Variants in SHC2 observed in about 807,000 individuals in gnomAD.
SHC2 encodes the protein SHC adaptor protein 2.
SHC2 carries 62 observed loss-of-function variants against 60.6 expected under a neutral mutation model. The observed-to-expected ratio is 1.02, with a 90% confidence interval of 0.83 to 1.26. The LOEUF (loss-of-function observed/expected upper bound fraction) is 1.26. Ranked by LOEUF, SHC2 falls within the 50% of genes most tolerant of loss-of-function variation. The probability of loss-of-function intolerance (pLI) is 0.00; values close to 1 mark genes in which losing one functional copy is unlikely to be tolerated. For missense variants in SHC2, 873 were observed against 822.2 expected (o/e 1.06, Z -0.76); for synonymous variants, 375 against 372.4 (o/e 1.01, Z -0.08).
In SHC2 at chr19:426,045, A is replaced by AC. The variant is rs1195911596; in HGVS notation, c.1175-815_1175-814insG. Among the ~76,000 whole-genome samples the AC allele has an allele frequency of 2.1e-3, 321 of 152,134 alleles. 1 individual carries two copies. Among genetic ancestry groups the AC allele is most frequent in the African/African-American group, 7.5e-3 (310 of 41,486 alleles). ...CTCAGTCTCCAAAAAAAAAAAAAAA[A>AC]AACTATCCACATGGTTCAAACCGGA... is the stretch of plus-strand genomic sequence containing the variant. On this transcript the variant is annotated intron_variant, in intron 9 of 12. Transcript: ENST00000264554.
At chr19:434,454 T>TGTGAGTCTGTG (rs1291435353) in intron 8 of SHC2, among the ~76,000 whole-genome samples, 2 of 5,160 alleles carry the variant, frequency 3.9e-4, no homozygotes, top group African/African-American at 6.7e-4. Flanking sequence ...GTCTGTGAGA[T>TGTGAGTCTGTG]AGTGAGCAAG....
At chr19:439,406 G>A (rs1001115938) in intron 2 of SHC2, 3 of 294,922 alleles carry the variant, frequency 1.0e-5, no homozygotes, top group African/African-American at 4.4e-5. Flanking sequence ...CATCAGATGT[G>A]GGGGTTGGAG....
chr19:430,715 G>C lies in SHC2; in HGVS notation c.1143C>G (p.Ser381Arg), dbSNP rs1464327137. 1 of 1,613,082 alleles carries C rather than the reference G, an allele frequency of 6.2e-7. No homozygotes were observed. The highest frequency in any genetic ancestry group is 1.1e-5 in the South Asian group (1 of 91,046). Residue 381 changes from serine (S) to arginine (R), a missense_variant, in exon 9 of 13, where the codon AGC (serine) becomes AGG (arginine). Physicochemically the swap from Ser to Arg is moderately radical, Grantham distance 110 (BLOSUM62 -1). Transcript: ENST00000264554. Reference sequence around the variant, plus strand: ...CGGTGGACCCCACGTCCCATGGCAGGCTGCAGGCATCTCTTAGAGAAGGAG... The same window carrying C: ...CGGTGGACCCCACGTCCCATGGCAGCCTGCAGGCATCTCTTAGAGAAGGAG... ...GPSPSLRDAC[S>R]LPWDVGSTGT...
At chr19:434,127 G>T (rs1474727938) in intron 8 of SHC2, among the ~76,000 whole-genome samples, 26 of 145,360 alleles carry the variant, frequency 1.8e-4, no homozygotes. Flanking sequence ...AGTTAGAGGA[G>T]GCCGGGCAGA....
chr19:451,786 C>T (rs113513341), intron 1 of SHC2, among the ~76,000 whole-genome samples: 6 of 152,066 alleles, frequency 3.9e-5, no homozygotes, highest in Admixed American at 6.6e-5. Flanking sequence ...TTAGTAGAGA[C>T]GGGGTTTCAC....
chr19:433,618 G>A (rs557395061), intron 8 of SHC2, among the ~76,000 whole-genome samples: 1 of 54,328 alleles, frequency 1.8e-5, no homozygotes, highest in Admixed American at 1.8e-4. Context: ...CGGGCAGATA[G>A]ATGGCGCTTC....
chr19:417,281 C>CTGAGAACAGGCAGGAGCT lies in SHC2; in HGVS notation c.*46_*47insAGCTCCTGCCTGTTCTCA, dbSNP rs1568278374. ...CCCCAAGGCCATGACAGGCAGGAGC[C>CTGAGAACAGGCAGGAGCT]GGGGCTGAGAACAGGCAGGAGCCAG... On this transcript the variant is annotated 3_prime_UTR_variant, in exon 13 of 13. Transcript: ENST00000264554. The CTGAGAACAGGCAGGAGCT allele has an allele frequency of 6.5e-6, 1 of 153,114 alleles. No homozygotes were observed. The highest frequency in any genetic ancestry group is 1.5e-5 in the Non-Finnish European group (1 of 68,790). The allele number at this position is 153,114 out of a possible 1,614,324, so 9.5% of individuals were successfully genotyped here. A position where few individuals can be genotyped will look rare whatever the true frequency, so the allele number is the denominator to read the frequency against.
At chr19:421,304 G>A (rs1478260646) in intron 11 of SHC2, among the ~76,000 whole-genome samples, 1 of 151,632 alleles carries the variant, frequency 6.6e-6, no homozygotes, top group South Asian at 2.1e-4. Flanking sequence ...GGAAGCTGAG[G>A]CGGGAGAATC....
chr19:435,845 C>T (rs992335538), intron 7 of SHC2: 2 of 321,686 alleles, frequency 6.2e-6, no homozygotes, highest in South Asian at 1.0e-4. Flanking sequence ...AGACGGAGGC[C>T]GTTTTCTGCC....
In SHC2 at chr19:436,680, T is replaced by C; in HGVS notation, c.724A>G (p.Ile242Val). The change falls in exon 5 of 13, where the codon ATC becomes GTC. Residue 242 changes from isoleucine to valine, a missense_variant. Physicochemically the swap from Ile to Val is conservative, Grantham distance 29. Transcript: ENST00000264554. Reference sequence around the variant, plus strand: ...ATGGACGGCATGTGGTGGTTGGCGATGACCTGTGGCGGCAGGAGGCACACG... The same window carrying C: ...ATGGACGGCATGTGGTGGTTGGCGACGACCTGTGGCGGCAGGAGGCACACG... ...SLSVPATRQV[I>V]ANHHMPSISF... 2 of 1,605,570 alleles carry C rather than the reference T, an allele frequency of 1.2e-6. No individual in the cohort carries two copies. Among genetic ancestry groups the C allele is most frequent in the Non-Finnish European group, 1.7e-6 (2 of 1,179,240 alleles).
chr19:435,478 G>A (rs1356312247), intron 7 of SHC2, among the ~76,000 whole-genome samples: 1 of 152,254 alleles, frequency 6.6e-6, no homozygotes, highest in African/African-American at 2.4e-5. Context: ...GTGAGTGTGA[G>A]CAGGCGTGCG....
intron 9 of SHC2, among the ~76,000 whole-genome samples, chr19:426,204 G>A (rs1000241632): frequency 6.6e-6 from 1 of 152,202 alleles, no homozygotes; most frequent in Non-Finnish European, 1.5e-5. Flanking sequence ...ACGTGAGGCT[G>A]CACTAGCCCT....
In SHC2 at chr19:460,686, G is replaced by A. The variant is rs921355897; in HGVS notation, c.311C>T (p.Ser104Leu). 98 of 1,043,808 alleles carry A rather than the reference G, an allele frequency of 9.4e-5. 2 individuals carry two copies. In the South Asian group the frequency reaches 2.3e-3, roughly 24 times the overall value. 64.7% of individuals were successfully genotyped at this position (1,043,808 alleles called of 1,614,324 possible). Residue 104 changes from serine to leucine, a missense_variant, in exon 1 of 13, where the codon TCG (serine) becomes TTG (leucine). Transcript: ENST00000264554. ...CCCCCGCCCGCCCCGCGACCCCCGC[G>A]ACCCCGCGCCCCGACAGCGGCTGAG... is the stretch of plus-strand genomic sequence containing the variant. ...PALSRCRGAG[S>L]RGSRGGRGAA...
In SHC2 at chr19:434,791, G is replaced by A. The variant is rs778425108; in HGVS notation, c.1028C>T (p.Pro343Leu). 278 of 1,612,650 alleles carry A rather than the reference G, an allele frequency of 1.7e-4. 1 individual carries two copies. The highest frequency in any genetic ancestry group is 6.6e-4 in the Middle Eastern group (4 of 6,082). The part of the protein sequence containing the change: ...SLEHNYYNSI[P>L]GKEPPLGGLV... ...CCCGCCCAGCGGCGGCTCCTTCCCCGGGATGCTGTTGTAGTAATTGTGCTC... is the reference window on the plus strand; with the variant it reads ...CCCGCCCAGCGGCGGCTCCTTCCCCAGGATGCTGTTGTAGTAATTGTGCTC... The change falls in exon 8 of 13, where the codon CCG (proline) becomes CTG (leucine). Residue 343 changes from proline (P) to leucine (L), a missense_variant. Transcript: ENST00000264554.
chr19:455,812 G>C (rs568572085), intron 1 of SHC2, among the ~76,000 whole-genome samples: 11 of 152,186 alleles, frequency 7.2e-5, no homozygotes, highest in Non-Finnish European at 1.0e-4. Context: ...CAGCCACAGC[G>C]CAGCCTCTTC....
Position 440,740 on chromosome 19 carries a change from C to T in SHC2, c.539+122G>A, listed in dbSNP as rs899766760. 34 of 814,924 alleles carry T rather than the reference C, an allele frequency of 4.2e-5. No homozygotes were observed. Among genetic ancestry groups the T allele is most frequent in the Admixed American group, 1.2e-4 (6 of 51,890 alleles). The allele number at this position is 814,924 out of a possible 1,614,324, so 50.5% of individuals were successfully genotyped here. A position where few individuals can be genotyped will look rare whatever the true frequency, so the allele number is the denominator to read the frequency against. ...GAAGTGGGAGGGAGGTGGGGGGCACCGAGGCTGCGTCCTGGGACCCCAGCG... is the reference window on the plus strand; with the variant it reads ...GAAGTGGGAGGGAGGTGGGGGGCACTGAGGCTGCGTCCTGGGACCCCAGCG... On this transcript the variant is annotated intron_variant, in intron 2 of 12. Coordinates refer to ENST00000264554, the MANE Select transcript of SHC2 (RefSeq NM_012435.3). This position sits in a 1 kb window ranked among gnomAD's most constrained non-coding sequence, Gnocchi z 7.0.
intron 9 of SHC2, among the ~76,000 whole-genome samples, chr19:430,418 A>G: frequency 6.6e-6 from 1 of 152,174 alleles, no homozygotes; most frequent in African/African-American, 2.4e-5. Context: ...CATGTGGATG[A>G]CACAGTACCT....
At position 453,729 on chromosome 19, in the gene SHC2, C is replaced by T. The variant is rs954560289; in HGVS notation, c.468+6800G>A. Among the ~76,000 whole-genome samples the T allele has an allele frequency of 6.6e-6, 1 of 152,176 alleles. No homozygotes were observed. Among genetic ancestry groups the T allele is most frequent in the African/African-American group, 2.4e-5 (1 of 41,440 alleles). ...CCCGCACCTCCCAGCTTAAGGGACC[C>T]GCGATGCAGGAAGGATGAAGTGTCA... On this transcript the variant is annotated intron_variant, in intron 1 of 12. Transcript: ENST00000264554. The surrounding 1 kb of genome is among the most constrained non-coding windows in gnomAD (Gnocchi z 6.3).
At chr19:426,548 C>T (rs1416787843) in intron 9 of SHC2, among the ~76,000 whole-genome samples, 1 of 64,422 alleles carries the variant, frequency 1.6e-5, no homozygotes, top group East Asian at 6.0e-4. Context: ...AGGCAGAGTC[C>T]GGGGAGGGAG....
Sources: gnomAD v4.1 joint callset for allele counts (sites outside exome capture counted in the v4.1 genomes callset) on GRCh38, gnomAD v4.1.1 for gene constraint, Gnocchi (gnomAD v3.1) non-coding constraint, MANE v1.5 for transcripts, NCBI Gene and HGNC (gene_info 2026-07-23, HGNC 2026-07-21) for gene names.